FAM78B: variants seen among roughly 807,000 people sequenced by gnomAD.
FAM78B encodes family with sequence similarity 78 member B, also known as protein FAM78B.
FAM78B carries 10 observed loss-of-function variants against 20.0 expected under a neutral mutation model. The observed-to-expected ratio is 0.50, with a 90% CI of 0.31 to 0.85. The LOEUF (loss-of-function observed/expected upper bound fraction) is 0.85. FAM78B is among the 40% of genes least tolerant of loss of function. FAM78B has a pLI of 0.05. For synonymous variants in FAM78B, 135 were observed against 132.8 expected, an observed-to-expected ratio of 1.02 and a Z score of -0.12; for missense variants, 283 against 345.0, an observed-to-expected ratio of 0.82 and a Z score of 1.42.
At chr1:166,073,783 CCT>C (rs1236194310) in intron 1 of FAM78B, among the ~76,000 whole-genome samples, 5 of 152,152 alleles carry the variant, frequency 3.3e-5, no homozygotes, top group Admixed American at 2.0e-4. Flanking sequence ...GCCGTCTTCC[CCT>C]GTCTCTCTGC....
intron 1 of FAM78B, among the ~76,000 whole-genome samples, chr1:166,073,070 G>A (rs1571133286): frequency 6.6e-6 from 1 of 152,136 alleles, no homozygotes; most frequent in East Asian, 1.9e-4. Flanking sequence ...AAAAAACAGA[G>A]ATAATACAAT....
At chr1:166,089,349 C>A (rs1229407819) in intron 1 of FAM78B, among the ~76,000 whole-genome samples, 1 of 152,182 alleles carries the variant, frequency 6.6e-6, no homozygotes, top group Non-Finnish European at 1.5e-5. Flanking sequence ...TCCACCACAG[C>A]CTCGGATATA....
At chr1:166,156,899 T>A (rs1366414000) in intron 1 of FAM78B, among the ~76,000 whole-genome samples, 1 of 151,832 alleles carries the variant, frequency 6.6e-6, no homozygotes, top group Non-Finnish European at 1.5e-5. Flanking sequence ...GAAGTCCCCA[T>A]AAGGATGTGG....
Position 166,166,003 on chromosome 1 carries a change from G to A in FAM78B, c.246C>T (p.Thr82=), listed in dbSNP as rs1205812600. The change falls in exon 1 of 2, where the codon ACC becomes ACT. Residue 82 remains threonine, a synonymous_variant. Coordinates refer to ENST00000354422, the MANE Select transcript of FAM78B (RefSeq NM_001017961.5). ...QACNQMEFFN[T]YSDLGMSSWE... ...TCGCTTACATGCCCAGGTCGCTGTA[G>A]GTGTTGAAGAACTCCATCTGATTGC... is the stretch of plus-strand genomic sequence containing the variant. 2 of 1,613,762 alleles carry A rather than the reference G, an allele frequency of 1.2e-6. No individual in the cohort carries two copies. The highest frequency in any genetic ancestry group is 3.3e-5 in the Admixed American group (2 of 60,018).
At chr1:166,082,789 G>C (rs559263840) in intron 1 of FAM78B, 3 of 152,522 alleles carry the variant, frequency 2.0e-5, no homozygotes, top group Non-Finnish European at 2.9e-5. Flanking sequence ...GATGGGGAAG[G>C]CTCTTCTGGA....
At chr1:166,156,356 T>G (rs73046954) in intron 1 of FAM78B, among the ~76,000 whole-genome samples, 6,850 of 152,300 alleles carry the variant, frequency 0.045, 343 homozygotes, top group Admixed American at 0.14. Flanking sequence ...CCACATGCTG[T>G]CTGAGCCAGA....
rs1157878527 is a variant in FAM78B, at chr1:166,162,634, T to C, written c.263+3352A>G. 2.0e-5 allele frequency among the ~76,000 whole-genome samples: 3 copies of C among 152,226 alleles called. 1 individual carries two copies. Among genetic ancestry groups the C allele is most frequent in the South Asian group, 4.1e-4 (2 of 4,836 alleles). On this transcript the variant is annotated intron_variant, in intron 1 of 1. Coordinates refer to ENST00000354422, the MANE Select transcript of FAM78B (RefSeq NM_001017961.5). ...TCTTCCACTTCTGTTGGAAAGCTTC[T>C]GCATACTCAAGAGGTATAAAGAAGA... is the stretch of plus-strand genomic sequence containing the variant.
chr1:166,163,799 A>C (rs1656250096), intron 1 of FAM78B, among the ~76,000 whole-genome samples: 1 of 152,262 alleles, frequency 6.6e-6, no homozygotes, highest in Non-Finnish European at 1.5e-5. Flanking sequence ...AAACAGGTAG[A>C]CTGTGGACAC....
At chr1:166,132,450 T>G (rs1254669097) in intron 1 of FAM78B, among the ~76,000 whole-genome samples, 1 of 152,184 alleles carries the variant, frequency 6.6e-6, no homozygotes, top group Admixed American at 6.5e-5. Context: ...TTACCTTTAT[T>G]GGGTAATTGT....
At chr1:166,080,139 C>G (rs767545249) in intron 1 of FAM78B, among the ~76,000 whole-genome samples, 1 of 152,182 alleles carries the variant, frequency 6.6e-6, no homozygotes, top group Non-Finnish European at 1.5e-5. Context: ...CACATGCTTT[C>G]TCATGATGCC....
At chr1:166,098,367 A>G (rs1267137632) in intron 1 of FAM78B, among the ~76,000 whole-genome samples, 1 of 152,168 alleles carries the variant, frequency 6.6e-6, no homozygotes, top group Admixed American at 6.5e-5. Context: ...CTAGTTCATC[A>G]GCAATTGATC....
In FAM78B at chr1:166,166,300, G is replaced by T; in HGVS notation, c.-52C>A. The T allele has an allele frequency of 8.5e-7, 1 of 1,178,674 alleles. No individual in the cohort carries two copies. The allele number at this position is 1,178,674 out of a possible 1,614,324, so 73.0% of individuals were successfully genotyped here. On this transcript the variant is annotated 5_prime_UTR_variant, in exon 1 of 2. Transcript: ENST00000354422. ...GGCGTGGGGCAGCGCGGGGGCCCGC[G>T]CGGGCAGCCGGGGGCGCCCGTCACG... is the stretch of plus-strand genomic sequence containing the variant.
Position 166,070,226 on chromosome 1 carries a change from CAG to C in FAM78B, c.*13_*14del. On this transcript the variant is annotated 3_prime_UTR_variant, in exon 2 of 2. Transcript: ENST00000354422. ...CAGAGGCGTGTGATCCACACACAGT[CAG>C]GCCAGTCTGCTTCTACTTAGGAGGG... 1.3e-6 allele frequency: 2 copies of C among 1,513,240 alleles called. No individual in the cohort carries two copies. Among genetic ancestry groups the C allele is most frequent in the Non-Finnish European group, 1.8e-6 (2 of 1,130,242 alleles). The allele number at this position is 1,513,240 out of a possible 1,614,324, so 93.7% of individuals were successfully genotyped here. A position where few individuals can be genotyped will look rare whatever the true frequency, so the allele number is the denominator to read the frequency against.
intron 1 of FAM78B, among the ~76,000 whole-genome samples, chr1:166,105,001 A>G (rs1653710012): frequency 6.6e-6 from 1 of 152,240 alleles, no homozygotes; most frequent in South Asian, 2.1e-4. Flanking sequence ...TGGTACCTAA[A>G]CAGACATATA....
Position 166,070,383 on chromosome 1 carries a change from G to A in FAM78B, c.644C>T (p.Thr215Ile), listed in dbSNP as rs1488389589. 6.2e-7 allele frequency: 1 copy of A among 1,614,076 alleles called. No individual in the cohort carries two copies. The highest frequency in any genetic ancestry group is 8.5e-7 in the Non-Finnish European group (1 of 1,179,960). ...CAGGATCCGGGGCTGCTCCTGCTGA[G>A]TCCTGCCCACCAGCCGGGCCCGCTG... ...LGQRARLVGR[T>I]QQEQPRILSR... Residue 215 changes from threonine (T) to isoleucine (I), a missense_variant, in exon 2 of 2, where the codon ACT (threonine) becomes ATT (isoleucine). Physicochemically the swap from Thr to Ile is moderately conservative, Grantham distance 89. Coordinates refer to ENST00000354422, the MANE Select transcript of FAM78B (RefSeq NM_001017961.5).
intron 1 of FAM78B, among the ~76,000 whole-genome samples, chr1:166,135,366 A>T (rs1204668667): frequency 3.3e-5 from 5 of 152,362 alleles, no homozygotes; most frequent in Admixed American, 3.3e-4. Flanking sequence ...GTACATTGGT[A>T]ATGGTTAACC....
intron 1 of FAM78B, among the ~76,000 whole-genome samples, chr1:166,151,235 TTC>T (rs1655665296): frequency 6.6e-6 from 1 of 152,236 alleles, no homozygotes. Context: ...TCTCGTCCAC[TTC>T]TTTCTCTCTG....
chr1:166,143,841 C>T (rs1655364725), intron 1 of FAM78B, among the ~76,000 whole-genome samples: 2 of 152,228 alleles, frequency 1.3e-5, no homozygotes, highest in South Asian at 2.1e-4. Flanking sequence ...AGCCCCTGTG[C>T]CAAACACTTC....
intron 1 of FAM78B, among the ~76,000 whole-genome samples, chr1:166,111,503 G>A (rs10800191): frequency 0.2 from 29,718 of 152,148 alleles, 3,302 homozygotes; most frequent in East Asian, 0.37. Context: ...ACTGTGATTC[G>A]CAGACAGTGT....
Sources: gnomAD v4.1 joint callset for allele counts (sites outside exome capture counted in the v4.1 genomes callset) on GRCh38, gnomAD v4.1.1 for gene constraint, MANE v1.5 for transcripts, NCBI Gene and HGNC (gene_info 2026-07-23, HGNC 2026-07-21) for gene names.